Variants in LARP4 observed in about 807,000 individuals in gnomAD.
The protein encoded by LARP4 is la-related protein 4.
A neutral mutation model predicts 92.9 loss-of-function variants in LARP4; 29 were observed. The observed-to-expected ratio is 0.31, with a 90% CI of 0.23 to 0.43. The LOEUF is 0.43. Among genes scored for constraint, LARP4 ranks in the 20% least tolerant of loss-of-function variants. LARP4 has a pLI of 1.00. For synonymous variants in LARP4, 279 were observed against 284.1 expected (o/e 0.98, Z 0.18); for missense variants, 732 against 860.0 (o/e 0.85, Z 1.86).
chr12:50,474,708 C>A (rs1957358012), intron 15 of LARP4, among the ~76,000 whole-genome samples: 1 of 152,120 alleles, frequency 6.6e-6, no homozygotes, highest in East Asian at 1.9e-4. Flanking sequence ...TTCTTCCTTA[C>A]CCACGTTAGG....
chr12:50,460,478 T>G, intron 10 of LARP4, among the ~76,000 whole-genome samples: 1 of 141,050 alleles, frequency 7.1e-6, no homozygotes, highest in African/African-American at 2.4e-5. Context: ...TATAGGTGCA[T>G]ACCACTGCAC....
chr12:50,474,076 T>TG lies in LARP4; in HGVS notation c.1745_1746insG (p.Ser583PhefsTer18). On this transcript the variant is annotated frameshift_variant, in exon 15 of 16. Coordinates refer to ENST00000398473, the MANE Select transcript of LARP4 (RefSeq NM_052879.5). LOFTEE classifies it high-confidence loss of function. Reference sequence around the variant, plus strand: ...GGTCTCAATCAGACAACTATACCAGTTTCTCCTCCAAGTACTACAAAGCCA... The same window carrying TG: ...GGTCTCAATCAGACAACTATACCAGTGTTCTCCTCCAAGTACTACAAAGCCA... 1 of 1,612,452 alleles carries TG rather than the reference T, an allele frequency of 6.2e-7. No homozygotes were observed. Among genetic ancestry groups the TG allele is most frequent in the Non-Finnish European group, 8.5e-7 (1 of 1,179,522 alleles).
chr12:50,436,049 CTCTGTGTGTGTGTGTG>C (rs1950363106), intron 5 of LARP4, among the ~76,000 whole-genome samples: 3 of 82,536 alleles, frequency 3.6e-5, no homozygotes, highest in Non-Finnish European at 6.6e-5. Context: ...TTTTTACTGA[CTCTGTGTGTGTGTGTG>C]TGTGTGTGTG....
intron 10 of LARP4, among the ~76,000 whole-genome samples, chr12:50,460,148 AAAAG>A (rs1381923667): frequency 1.2e-4 from 19 of 152,224 alleles, no homozygotes; most frequent in East Asian, 5.8e-4. Context: ...AAAAAAAAAA[AAAAG>A]AAGAAGAAGA....
Position 50,427,744 on chromosome 12 carries a change from G to A in LARP4, c.19-18G>A. On this transcript the variant is annotated intron_variant, in intron 1 of 15. Coordinates refer to ENST00000398473, the MANE Select transcript of LARP4 (RefSeq NM_052879.5). ...CTCTGATTTTAAAAATTTACAAATA[G>A]ATCCTTCGATTATTTAGCAGGTAGC... 6.9e-7 allele frequency: 1 copy of A among 1,453,136 alleles called. No homozygotes were observed. The highest frequency in any genetic ancestry group is 9.2e-7 in the Non-Finnish European group (1 of 1,084,788). 90.0% of individuals were successfully genotyped at this position (1,453,136 alleles called of 1,614,324 possible).
intron 10 of LARP4, among the ~76,000 whole-genome samples, chr12:50,459,717 G>A (rs964598352): frequency 1.1e-4 from 17 of 151,568 alleles, no homozygotes; most frequent in African/African-American, 3.1e-4. Context: ...CCAGCTACTC[G>A]GGAGGCTGAG....
intron 6 of LARP4, 130 bp from the exon 7 acceptor site, chr12:50,440,309 G>A: frequency 1.5e-6 from 1 of 655,858 alleles, no homozygotes; most frequent in South Asian, 1.9e-5. Flanking sequence ...GGAAAAATGG[G>A]CAAAAGTTAA....
intron 13 of LARP4, among the ~76,000 whole-genome samples, chr12:50,467,952 A>G (rs2138955190): frequency 6.6e-6 from 1 of 151,654 alleles, no homozygotes; most frequent in South Asian, 2.1e-4. Flanking sequence ...TTTTCTCCCA[A>G]CTTTTATTCC....
Position 50,422,552 on chromosome 12 carries a change from C to T in LARP4, c.19-5210C>T, listed in dbSNP as rs889324119. Among the ~76,000 whole-genome samples, 11 of 151,862 alleles carry T rather than the reference C, an allele frequency of 7.2e-5. No individual in the cohort carries two copies. The South Asian group carries it at 2.1e-3, about 29-fold the overall frequency. ...ATTTTTTCTTTGTGATATTAGTATCCATCTGAGTTATAAGATGTGTTAATG... is the reference window on the plus strand; with the variant it reads ...ATTTTTTCTTTGTGATATTAGTATCTATCTGAGTTATAAGATGTGTTAATG... On this transcript the variant is annotated intron_variant, in intron 1 of 15. Transcript: ENST00000398473.
At chr12:50,403,477 A>G (rs1006948599) in intron 1 of LARP4, among the ~76,000 whole-genome samples, 2 of 152,262 alleles carry the variant, frequency 1.3e-5, no homozygotes, top group African/African-American at 4.8e-5. Context: ...ACGTATTGCT[A>G]TATTAGACAT....
At position 50,456,433 on chromosome 12, in the gene LARP4, T is replaced by C. The variant is rs7314047; in HGVS notation, c.1121+2016T>C. 7.2e-3 allele frequency among the ~76,000 whole-genome samples: 1,101 copies of C among 152,290 alleles called. 11 individuals are homozygous for C. Among genetic ancestry groups the C allele is most frequent in the African/African-American group, 0.025 (1,041 of 41,558 alleles). On this transcript the variant is annotated intron_variant, in intron 10 of 15. Transcript: ENST00000398473. ...CTTCTGGACCAGCAACCCAAATCCT[T>C]GTTTCCTTCTTGCTTCTAAAAAGTG...
intron 8 of LARP4, among the ~76,000 whole-genome samples, chr12:50,449,089 A>C (rs899124910): frequency 3.3e-5 from 5 of 151,780 alleles, no homozygotes; most frequent in Non-Finnish European, 5.9e-5. Flanking sequence ...AAAATACAAA[A>C]ATATTTAGCC....
At position 50,474,015 on chromosome 12, in the gene LARP4, A is replaced by G; in HGVS notation, c.1684A>G (p.Lys562Glu). Residue 562 changes from lysine (K) to glutamate (E), a missense_variant, in exon 15 of 16, where the codon AAG (lysine) becomes GAG (glutamate). Coordinates refer to ENST00000398473, the MANE Select transcript of LARP4 (RefSeq NM_052879.5). The part of the protein sequence containing the change: ...LTALSTTQQE[K>E]DLIEDSSVQK... ...TTTCCTTAGCACAACTCAGCAAGAAAAGGATCTAATAGAAGATTCCTCTGT... is the reference window on the plus strand; with the variant it reads ...TTTCCTTAGCACAACTCAGCAAGAAGAGGATCTAATAGAAGATTCCTCTGT... 6.2e-7 allele frequency: 1 copy of G among 1,611,814 alleles called. No individual in the cohort carries two copies. The highest frequency in any genetic ancestry group is 8.5e-7 in the Non-Finnish European group (1 of 1,179,848).
chr12:50,453,518 C>T lies in LARP4; in HGVS notation c.863C>T (p.Ser288Phe). 6.2e-7 allele frequency: 1 copy of T among 1,613,128 alleles called. No homozygotes were observed. Among genetic ancestry groups the T allele is most frequent in the Non-Finnish European group, 8.5e-7 (1 of 1,179,314 alleles). ...FAKNGYRLMD[S>F]SIYSHPIQTQ... Reference sequence around the variant, plus strand: ...AAGAATGGTTATCGATTAATGGATTCTAGTATCTATAGTCACCCCATTCAA... The same window carrying T: ...AAGAATGGTTATCGATTAATGGATTTTAGTATCTATAGTCACCCCATTCAA... The change falls in exon 9 of 16, where the codon TCT becomes TTT. Residue 288 changes from serine to phenylalanine, a missense_variant. Physicochemically the swap from Ser to Phe is radical, Grantham distance 155. Around this residue, in one of 7 missense-constraint regions of LARP4, gnomAD observed 264 missense variants for 269.5 expected, o/e 0.98. Coordinates refer to ENST00000398473, the MANE Select transcript of LARP4 (RefSeq NM_052879.5).
chr12:50,454,870 C>T (rs900151679), intron 10 of LARP4: 6 of 153,544 alleles, frequency 3.9e-5, no homozygotes, highest in African/African-American at 1.4e-4. Flanking sequence ...CAGACAGTAG[C>T]TAACATTTAT....
intron 8 of LARP4, among the ~76,000 whole-genome samples, chr12:50,448,525 G>C (rs1287198738): frequency 6.6e-6 from 1 of 152,056 alleles, no homozygotes; most frequent in Admixed American, 6.6e-5. Flanking sequence ...TCTATCAAGA[G>C]GGATTCTTTC....
intron 1 of LARP4, among the ~76,000 whole-genome samples, chr12:50,425,075 A>T (rs1467344605): frequency 6.6e-6 from 1 of 152,088 alleles, no homozygotes; most frequent in East Asian, 1.9e-4. Context: ...TGAACCCAGG[A>T]TGAGGAGGTT....
At chr12:50,444,366 AAC>A (rs1330064094) in intron 8 of LARP4, among the ~76,000 whole-genome samples, 3 of 152,114 alleles carry the variant, frequency 2.0e-5, no homozygotes. Context: ...TAGTAGTAAA[AAC>A]ACAAATATTT....
intron 1 of LARP4, among the ~76,000 whole-genome samples, chr12:50,404,134 G>T (rs910468722): frequency 6.6e-5 from 10 of 152,134 alleles, no homozygotes; most frequent in African/African-American, 2.4e-4. Context: ...GGCTAAGGTA[G>T]GAGAATCGCT....
Sources: allele counts gnomAD v4.1 joint callset (sites outside exome capture counted in the v4.1 genomes callset), GRCh38; gene constraint gnomAD v4.1.1; regional missense constraint gnomAD v4.1.1; transcripts MANE v1.5; gene names NCBI Gene and HGNC (gene_info 2026-07-23, HGNC 2026-07-21).